Variants in TBL1Y observed in about 807,000 individuals in gnomAD.
TBL1Y encodes the protein F-box-like/WD repeat-containing protein TBL1Y.
TBL1Y carries 15 observed loss-of-function variants against 12.0 expected under a neutral mutation model. The observed-to-expected ratio is 1.25, with a 90% CI of 0.83 to 1.92. The LOEUF is 1.92. TBL1Y is among the 40% of genes most tolerant of loss of function. TBL1Y has a pLI of 0.00. For missense variants in TBL1Y, 148 were observed against 116.7 expected (o/e 1.27, Z -1.24); for synonymous variants, 53 against 42.6 (o/e 1.24, Z -0.95).
intron 2 of TBL1Y, among the ~76,000 whole-genome samples, chrY:6,959,161 T>C: frequency 3.0e-5 from 1 of 33,434 alleles, no homozygotes; most frequent in Non-Finnish European, 7.4e-5. Context: ...TTTTACCAAG[T>C]ATACTGCTTG....
At chrY:7,084,722 G>A in intron 14 of TBL1Y, among the ~76,000 whole-genome samples, 1 of 33,613 alleles carries the variant, frequency 3.0e-5, no homozygotes, top group African/African-American at 1.2e-4. Context: ...GAGCCTGTGG[G>A]TTAGAGCGCT....
At chrY:7,086,963 A>G in intron 16 of TBL1Y, among the ~76,000 whole-genome samples, 4 of 23,959 alleles carry the variant, frequency 1.7e-4, no homozygotes, top group African/African-American at 6.5e-4. Context: ...TATATCTTAT[A>G]TATTTTATAT....
chrY:7,063,123 C>G, intron 7 of TBL1Y, among the ~76,000 whole-genome samples: 1 of 33,724 alleles, frequency 3.0e-5, no homozygotes, highest in African/African-American at 1.2e-4. Context: ...GGCATGACTT[C>G]TCACCAGAGA....
chrY:6,947,312 A>G (rs938725387), intron 2 of TBL1Y, among the ~76,000 whole-genome samples: 1 of 33,238 alleles, frequency 3.0e-5, no homozygotes, highest in Non-Finnish European at 7.4e-5. Context: ...ACTCTAGGCC[A>G]TATTACTCTA....
At chrY:7,065,040 T>C (rs2012969434) in intron 8 of TBL1Y, among the ~76,000 whole-genome samples, 1 of 33,239 alleles carries the variant, frequency 3.0e-5, no homozygotes, top group African/African-American at 1.2e-4. Flanking sequence ...TTATTAACTA[T>C]GCAGTGACAT....
chrY:7,024,000 T>G, intron 5 of TBL1Y, among the ~76,000 whole-genome samples: 1 of 33,603 alleles, frequency 3.0e-5, no homozygotes, highest in African/African-American at 1.2e-4. Context: ...ACATGTGGTG[T>G]TTGGTTTTCT....
intron 8 of TBL1Y, among the ~76,000 whole-genome samples, chrY:7,066,015 TG>T (rs2012979777): frequency 5.9e-5 from 2 of 34,097 alleles, no homozygotes; most frequent in Non-Finnish European, 1.5e-4. Context: ...TCCACATGGC[TG>T]GGGAGTCCTC....
intron 7 of TBL1Y, among the ~76,000 whole-genome samples, chrY:7,063,554 G>GGAATGAGTCAGGGTGGAGCAGGTAATCT (rs2012913675): frequency 3.1e-5 from 1 of 32,654 alleles, no homozygotes; most frequent in African/African-American, 1.2e-4. Context: ...GTAGGTAATC[G>GGAATGAGTCAGGGTGGAGCAGGTAATCT]GAATGAGTCA....
chrY:7,049,734 A>G (rs748953366), intron 7 of TBL1Y, among the ~76,000 whole-genome samples: 28 of 33,276 alleles, frequency 8.4e-4, no homozygotes, highest in Middle Eastern at 0.014. Context: ...TTTCTTGTAC[A>G]TTTGTTTAAG....
chrY:6,976,682 C>T (rs2012243709), intron 2 of TBL1Y, among the ~76,000 whole-genome samples: 1 of 33,569 alleles, frequency 3.0e-5, no homozygotes, highest in East Asian at 7.9e-4. Flanking sequence ...ATAGTGTTCT[C>T]TGCATGCCAG....
intron 2 of TBL1Y, among the ~76,000 whole-genome samples, chrY:6,940,298 G>A (rs761852989): frequency 1.6e-4 from 5 of 31,366 alleles, no homozygotes; most frequent in African/African-American, 6.3e-4. Flanking sequence ...ATCCAGTACT[G>A]TTGAACCATT....
chrY:6,933,269 A>G, intron 2 of TBL1Y, among the ~76,000 whole-genome samples: 1 of 33,301 alleles, frequency 3.0e-5, no homozygotes, highest in Non-Finnish European at 7.4e-5. Context: ...AACTTCCCAG[A>G]TGGTGAGACC....
intron 7 of TBL1Y, 69 bp from the exon 8 acceptor site, chrY:7,063,828 A>T: frequency 5.3e-6 from 2 of 376,644 alleles, no homozygotes; most frequent in Non-Finnish European, 7.6e-6. Flanking sequence ...TCCTGCCCAG[A>T]GAGTAGAGAC....
chrY:6,935,989 A>G, intron 2 of TBL1Y, among the ~76,000 whole-genome samples: 1 of 34,184 alleles, frequency 2.9e-5, no homozygotes, highest in Non-Finnish European at 7.3e-5. Flanking sequence ...GGGCGTGTCT[A>G]TGACACTGCC....
rs1569370669 is a variant in TBL1Y, at chrY:7,085,891, G to A, written c.1078-7G>A. On this transcript the variant is annotated splice_region_variant and splice_polypyrimidine_tract_variant and intron_variant, in intron 14 of 18. Transcript: ENST00000383032. ...TATTTTTCAAGAGACTCTCCGCTCTGTTTCAGAACGAGGTCAATGCCATCA... is the reference window on the plus strand; with the variant it reads ...TATTTTTCAAGAGACTCTCCGCTCTATTTCAGAACGAGGTCAATGCCATCA... 6 of 396,871 alleles carry A rather than the reference G, an allele frequency of 1.5e-5. No homozygotes were observed. Among genetic ancestry groups the A allele is most frequent in the African/African-American group, 6.2e-5 (1 of 16,131 alleles).
intron 2 of TBL1Y, among the ~76,000 whole-genome samples, chrY:6,927,950 A>G (rs768633753): frequency 3.0e-5 from 1 of 33,168 alleles, no homozygotes. Flanking sequence ...CTGGTGTTAC[A>G]GAGTGAATAA....
chrY:7,065,531 G>A (rs1022976919), intron 8 of TBL1Y, among the ~76,000 whole-genome samples: 2 of 33,815 alleles, frequency 5.9e-5, no homozygotes, highest in Non-Finnish European at 1.5e-4. Flanking sequence ...TGAAGTTTCC[G>A]AAGTTGGCGT....
At chrY:6,959,591 G>A in intron 2 of TBL1Y, among the ~76,000 whole-genome samples, 1 of 33,386 alleles carries the variant, frequency 3.0e-5, no homozygotes, top group Non-Finnish European at 7.4e-5. Flanking sequence ...CCAAGTGACA[G>A]GGTTAAGATT....
intron 8 of TBL1Y, among the ~76,000 whole-genome samples, chrY:7,064,378 G>A (rs1031107307): frequency 3.0e-5 from 1 of 33,112 alleles, no homozygotes; most frequent in African/African-American, 1.2e-4. Flanking sequence ...AGGAAATTGT[G>A]TGCACTGCCA....
Sources: gnomAD v4.1 joint callset for allele counts (sites outside exome capture counted in the v4.1 genomes callset) on GRCh38, gnomAD v4.1.1 for gene constraint, MANE v1.5 for transcripts, NCBI Gene and HGNC (gene_info 2026-07-23, HGNC 2026-07-21) for gene names.